IKZF3: variants seen among roughly 807,000 people sequenced by gnomAD.
The protein encoded by IKZF3 is zinc finger protein Aiolos.
IKZF3 carries 10 observed loss-of-function variants against 49.0 expected under a neutral mutation model. The ratio of observed to expected loss-of-function variants is 0.20; its 90% CI spans 0.13 to 0.35. The LOEUF (loss-of-function observed/expected upper bound fraction) is 0.35. Ranked by LOEUF, IKZF3 falls within the 10% of genes least tolerant of loss-of-function variation. The pLI, the probability that IKZF3 is intolerant of heterozygous loss-of-function variation, is 1.00. For missense variants in IKZF3, 498 were observed against 664.8 expected, an observed-to-expected ratio of 0.75 and a Z score of 2.76; for synonymous variants, 209 against 228.2, an observed-to-expected ratio of 0.92 and a Z score of 0.76.
At chr17:39,845,794 C>T (rs1352585524) in intron 1 of IKZF3, among the ~76,000 whole-genome samples, 6 of 152,102 alleles carry the variant, frequency 3.9e-5, no homozygotes, top group African/African-American at 1.4e-4. Flanking sequence ...TTCACTGACG[C>T]AGTAATCAAA....
chr17:39,830,923 G>C (rs2062091897), intron 2 of IKZF3, among the ~76,000 whole-genome samples: 1 of 152,180 alleles, frequency 6.6e-6, no homozygotes, highest in East Asian at 1.9e-4. Flanking sequence ...CATGGACTCA[G>C]TGTTTGATTT....
At chr17:39,853,148 T>G (rs758054986) in intron 1 of IKZF3, among the ~76,000 whole-genome samples, 5 of 152,184 alleles carry the variant, frequency 3.3e-5, no homozygotes, top group Non-Finnish European at 7.3e-5. Context: ...TTATTTCAAT[T>G]GTTATTACTT....
intron 3 of IKZF3, among the ~76,000 whole-genome samples, chr17:39,803,582 C>T (rs1567999263): frequency 6.6e-6 from 1 of 150,442 alleles, no homozygotes; most frequent in Non-Finnish European, 1.5e-5. Flanking sequence ...GGCGCGATCT[C>T]GGCTCACAGC....
intron 3 of IKZF3, among the ~76,000 whole-genome samples, chr17:39,814,566 C>G (rs995747321): frequency 6.6e-6 from 1 of 152,158 alleles, no homozygotes; most frequent in African/African-American, 2.4e-5. Flanking sequence ...TGAGGTCACA[C>G]TGGATTAGGG....
In IKZF3 at chr17:39,864,155, G is replaced by T; in HGVS notation, c.-29C>A. 6.2e-7 allele frequency: 1 copy of T among 1,611,648 alleles called. No individual in the cohort carries two copies. Among genetic ancestry groups the T allele is most frequent in the Non-Finnish European group, 8.5e-7 (1 of 1,179,070 alleles). On this transcript the variant is annotated 5_prime_UTR_variant, in exon 1 of 8. Transcript: ENST00000346872. Reference sequence around the variant, plus strand: ...GCTGCCGGGCCGGGCTGGAGCTGCCGCTGTGGCTACTCGGCCTCTCCACGT... The same window carrying T: ...GCTGCCGGGCCGGGCTGGAGCTGCCTCTGTGGCTACTCGGCCTCTCCACGT...
intron 3 of IKZF3, among the ~76,000 whole-genome samples, chr17:39,797,280 C>T (rs1003092185): frequency 1.3e-5 from 2 of 152,160 alleles, no homozygotes; most frequent in Admixed American, 6.5e-5. Context: ...AATCTGCTCC[C>T]TTGAATATCA....
At chr17:39,808,269 T>C (rs2061477342) in intron 3 of IKZF3, among the ~76,000 whole-genome samples, 1 of 152,174 alleles carries the variant, frequency 6.6e-6, no homozygotes. Flanking sequence ...TCATTCCCTT[T>C]CAACAAAATT....
chr17:39,860,886 G>C (rs2063197793), intron 1 of IKZF3, among the ~76,000 whole-genome samples: 1 of 152,128 alleles, frequency 6.6e-6, no homozygotes, highest in Non-Finnish European at 1.5e-5. Context: ...GTTAAAATTG[G>C]CTTTAAGTGA....
intron 7 of IKZF3, among the ~76,000 whole-genome samples, chr17:39,772,189 G>A (rs868055319): frequency 6.6e-6 from 1 of 152,178 alleles, no homozygotes; most frequent in Non-Finnish European, 1.5e-5. Context: ...GAGGTAAGTT[G>A]AAGACAGATT....
rs2060186161 is a variant in IKZF3, at chr17:39,761,599, TA to T, written c.*4190del. The T allele has an allele frequency of 6.6e-6, 1 of 151,704 alleles. No individual in the cohort carries two copies. Among genetic ancestry groups the T allele is most frequent in the African/African-American group, 2.4e-5 (1 of 41,018 alleles). The allele number at this position is 151,704 out of a possible 1,614,324, so 9.4% of individuals were successfully genotyped here. A position where few individuals can be genotyped will look rare whatever the true frequency, so the allele number is the denominator to read the frequency against. Reference sequence around the variant, plus strand: ...ATATACAAAAAAAATAAAAATAAATTAAAAAATTAAAAAACACCTGGAGCAC... The same window carrying T: ...ATATACAAAAAAAATAAAAATAAATTAAAAATTAAAAAACACCTGGAGCAC... On this transcript the variant is annotated 3_prime_UTR_variant, in exon 8 of 8. Coordinates refer to ENST00000346872, the MANE Select transcript of IKZF3 (RefSeq NM_012481.5).
At chr17:39,829,287 C>A in intron 3 of IKZF3, 100 bp downstream of exon 3, 1 of 790,008 alleles carries the variant, frequency 1.3e-6, no homozygotes, top group Non-Finnish European at 2.1e-6. Flanking sequence ...CTAACTAAAC[C>A]TACAATTGCA....
intron 3 of IKZF3, among the ~76,000 whole-genome samples, chr17:39,818,724 G>T (rs772068852): frequency 5.9e-5 from 9 of 152,034 alleles, no homozygotes; most frequent in Non-Finnish European, 1.2e-4. Flanking sequence ...CAGGCATGAT[G>T]GCACATGCCT....
In IKZF3 at chr17:39,856,351, C is replaced by A. The variant is rs1379082611; in HGVS notation, c.7+7769G>T. Among the ~76,000 whole-genome samples, 6 of 150,834 alleles carry A rather than the reference C, an allele frequency of 4.0e-5. No individual in the cohort carries two copies. The South Asian group carries it at 1.3e-3, about 33-fold the overall frequency. ...TCACCCAGGTTGGAGTGCAGTGGTG[C>A]AATCTCCACTCACTGCAACCTCGGC... On this transcript the variant is annotated intron_variant, in intron 1 of 7. Transcript: ENST00000346872.
At chr17:39,783,953 A>C (rs2060809684) in intron 6 of IKZF3, among the ~76,000 whole-genome samples, 1 of 150,196 alleles carries the variant, frequency 6.7e-6, no homozygotes. Flanking sequence ...AAAACAAAAC[A>C]AAAAAAAATA....
chr17:39,812,231 T>C (rs1217096212), intron 3 of IKZF3, among the ~76,000 whole-genome samples: 1 of 152,218 alleles, frequency 6.6e-6, no homozygotes, highest in Non-Finnish European at 1.5e-5. Flanking sequence ...GCTCATGTAC[T>C]CTTCTTGTCT....
intron 3 of IKZF3, among the ~76,000 whole-genome samples, chr17:39,798,350 T>A (rs555459769): frequency 1.3e-5 from 2 of 152,280 alleles, no homozygotes; most frequent in Admixed American, 1.3e-4. Context: ...ACAAATAATT[T>A]AAAAGGCCTT....
chr17:39,856,165 A>T (rs1050561911), intron 1 of IKZF3, among the ~76,000 whole-genome samples: 1 of 152,100 alleles, frequency 6.6e-6, no homozygotes, highest in Non-Finnish European at 1.5e-5. Flanking sequence ...TACATGTTAC[A>T]TGTCTTTGTT....
At chr17:39,835,076 G>A (rs529829846) in intron 1 of IKZF3, 43 of 426,182 alleles carry the variant, frequency 1.0e-4, no homozygotes, top group South Asian at 2.3e-4. Flanking sequence ...TGGAGCCCCC[G>A]CCAGAGCCAA....
intron 3 of IKZF3, among the ~76,000 whole-genome samples, chr17:39,825,581 A>T (rs1328110444): frequency 1.3e-5 from 2 of 152,296 alleles, no homozygotes; most frequent in East Asian, 3.9e-4. Context: ...GACTTAGGGT[A>T]GGTGAAATAT....
Sources: gnomAD v4.1 joint callset for allele counts (sites outside exome capture counted in the v4.1 genomes callset) on GRCh38, gnomAD v4.1.1 for gene constraint, MANE v1.5 for transcripts, NCBI Gene and HGNC (gene_info 2026-07-23, HGNC 2026-07-21) for gene names.